The following ESRRG variants were observed in gnomAD, a reference collection of about 807,000 sequenced individuals.
ESRRG encodes estrogen related receptor gamma.
A neutral mutation model predicts 44.0 loss-of-function variants in ESRRG; 13 were observed. The observed-to-expected ratio is 0.30, with a 90% CI of 0.19 to 0.47. The LOEUF (loss-of-function observed/expected upper bound fraction) is 0.47. Among genes scored for constraint, ESRRG ranks in the 20% least tolerant of loss-of-function variants. ESRRG has a pLI of 1.00. For missense variants in ESRRG, 395 were observed against 580.6 expected (o/e 0.68, Z 3.29); for synonymous variants, 215 against 214.6 (o/e 1.00, Z -0.02).
At chr1:217,077,681 T>C (rs571699977) in intron 1 of ESRRG, among the ~76,000 whole-genome samples, 9 of 152,316 alleles carry the variant, frequency 5.9e-5, no homozygotes, top group African/African-American at 2.2e-4. Context: ...AAAACCTCAG[T>C]GGAATGCTCT....
In ESRRG at chr1:217,066,257, T is replaced by TC. The variant is rs2089651726; in HGVS notation, c.-106+23249_-106+23250insG. Among the ~76,000 whole-genome samples, 3 of 81,384 alleles carry TC rather than the reference T, an allele frequency of 3.7e-5. No individual in the cohort carries two copies. The South Asian group carries it at 9.7e-4, about 26-fold the overall frequency. 53.4% of individuals were successfully genotyped at this position (81,384 alleles called of 152,430 possible). On this transcript the variant is annotated intron_variant, in intron 1 of 7. Transcript: ENST00000359162. ...TGGGGAGAATTCCTTTTTCTTTTCT[T>TC]TTTTTTTTTTTTTTTGAGACGGAGT...
intron 2 of ESRRG, among the ~76,000 whole-genome samples, chr1:216,792,513 C>T (rs1158061364): frequency 6.6e-6 from 1 of 152,032 alleles, no homozygotes; most frequent in Non-Finnish European, 1.5e-5. Context: ...AGGTAAAAGT[C>T]AAATCTGCCT....
chr1:216,610,899 G>C (rs2060561756), intron 3 of ESRRG, among the ~76,000 whole-genome samples: 1 of 152,060 alleles, frequency 6.6e-6, no homozygotes, highest in South Asian at 2.1e-4. Context: ...AGGCAGAACT[G>C]GAATCTAGCT....
At position 216,768,480 on chromosome 1, in the gene ESRRG, A is replaced by ATCTATCTG. The variant is rs1553593173; in HGVS notation, c.-13-90990_-13-90989insCAGATAGA. 3.4e-3 allele frequency among the ~76,000 whole-genome samples: 505 copies of ATCTATCTG among 150,278 alleles called. 8 individuals carry two copies. The highest frequency in any genetic ancestry group is 0.029 in the South Asian group (133 of 4,658). ...TATCTATCTATCTATCTATCTATCT[A>ATCTATCTG]TCTATCTATCTATCTATCTATATTT... On this transcript the variant is annotated intron_variant, in intron 2 of 7. Transcript: ENST00000359162.
chr1:216,752,759 G>A (rs899077916), intron 2 of ESRRG, among the ~76,000 whole-genome samples: 5 of 152,032 alleles, frequency 3.3e-5, no homozygotes, highest in Admixed American at 6.6e-5. Flanking sequence ...AACAGTGGCT[G>A]GGTCCCATCC....
intron 1 of ESRRG, among the ~76,000 whole-genome samples, chr1:217,096,139 T>G (rs950353839): frequency 1.3e-5 from 2 of 152,220 alleles, no homozygotes; most frequent in African/African-American, 4.8e-5. Flanking sequence ...ACAACTGTAT[T>G]TGTACCATAC....
rs530451821 is a variant in ESRRG, at chr1:216,931,174, A to G, written c.-14+8408T>C. Among the ~76,000 whole-genome samples, 11 of 152,298 alleles carry G rather than the reference A, an allele frequency of 7.2e-5. No individual in the cohort carries two copies. The East Asian group carries it at 2.1e-3, about 29-fold the overall frequency. Reference sequence around the variant, plus strand: ...AGAAGGTACATGGATATTAAAGATGACATGCACGTTTCTCCTAATTCTCAT... The same window carrying G: ...AGAAGGTACATGGATATTAAAGATGGCATGCACGTTTCTCCTAATTCTCAT... On this transcript the variant is annotated intron_variant, in intron 2 of 7. Coordinates refer to the ESRRG transcript ENST00000359162.
At chr1:216,707,457 T>G in intron 1 of ESRRG, 8 of 1,535,394 alleles carry the variant, frequency 5.2e-6, no homozygotes, top group Non-Finnish European at 7.0e-6. Context: ...AATTCCTAAT[T>G]ACATTCATGA....
At chr1:217,123,744 A>T (rs2092853484) in intron 1 of ESRRG, among the ~76,000 whole-genome samples, 1 of 152,006 alleles carries the variant, frequency 6.6e-6, no homozygotes. Flanking sequence ...CACACACTGG[A>T]GCCTGTTAGG....
chr1:216,567,831 G>A lies in ESRRG; in HGVS notation c.700+157C>T, dbSNP rs188572830. On this transcript the variant is annotated intron_variant, in intron 4 of 6. Coordinates refer to ENST00000408911, the MANE Select transcript of ESRRG (RefSeq NM_001438.4). The stretch of plus-strand genomic sequence containing the variant: ...TGAGATAATAAGCTGAGTTGCTGTC[G>A]CTCCTCACAGACAATCTTTGGGAAT... 3.3e-5 allele frequency among the ~76,000 whole-genome samples: 5 copies of A among 152,258 alleles called. No individual in the cohort carries two copies. The East Asian group carries it at 7.7e-4, about 24-fold the overall frequency.
chr1:217,079,138 GAA>G (rs2091551483), intron 1 of ESRRG, among the ~76,000 whole-genome samples: 1 of 152,172 alleles, frequency 6.6e-6, no homozygotes, highest in African/African-American at 2.4e-5. Flanking sequence ...AAGAGACAGA[GAA>G]AAAGAGAGAG....
At position 216,867,479 on chromosome 1, in the gene ESRRG, C is replaced by A. The variant is rs560174713; in HGVS notation, c.-14+72103G>T. On this transcript the variant is annotated intron_variant, in intron 2 of 7. Transcript: ENST00000359162. ...GTAAATGAATAGTGAAACAAATTTG[C>A]GTAGGGGATATTTAACTACTTAAGA... 2.6e-5 allele frequency among the ~76,000 whole-genome samples: 4 copies of A among 152,128 alleles called. No individual in the cohort carries two copies. In the East Asian group the frequency reaches 7.7e-4, roughly 29 times the overall value.
At chr1:216,642,462 T>C (rs541959391) in intron 3 of ESRRG, among the ~76,000 whole-genome samples, 117 of 152,230 alleles carry the variant, frequency 7.7e-4, no homozygotes, top group African/African-American at 2.8e-3. Flanking sequence ...CTTTTTGTGG[T>C]ACCTTAAGTA....
At chr1:216,541,561 A>ACTGTGTGTGTGTGT in intron 5 of ESRRG, among the ~76,000 whole-genome samples, 1 of 130,416 alleles carries the variant, frequency 7.7e-6, no homozygotes, top group East Asian at 2.3e-4. Flanking sequence ...TCTTTTGGTT[A>ACTGTGTGTGTGTGT]GTGTGTGTGT....
At chr1:216,729,620 C>T (rs755228722) in intron 2 of ESRRG, among the ~76,000 whole-genome samples, 8 of 152,106 alleles carry the variant, frequency 5.3e-5, no homozygotes, top group Non-Finnish European at 1.0e-4. Flanking sequence ...ATGTTTTCTG[C>T]GTGGGGATGA....
chr1:216,518,447 G>A (rs571036266), intron 6 of ESRRG, among the ~76,000 whole-genome samples: 1 of 152,242 alleles, frequency 6.6e-6, no homozygotes, highest in East Asian at 1.9e-4. Flanking sequence ...TGACACGCAG[G>A]TATCTAATGA....
intron 1 of ESRRG, among the ~76,000 whole-genome samples, chr1:217,001,892 G>T (rs530223042): frequency 4.6e-5 from 7 of 152,304 alleles, no homozygotes; most frequent in Middle Eastern, 3.4e-3. Context: ...TACATCAAAA[G>T]TGAAAGGCCA....
In ESRRG at chr1:216,971,867, A is replaced by G. The variant is rs12083598; in HGVS notation, c.-105-32194T>C. ...TGAAATCTTATCTGAGGTGAAGATT[A>G]TCTCTTTTCCTTCAGCTACGCTAAT... is the stretch of plus-strand genomic sequence containing the variant. On this transcript the variant is annotated intron_variant, in intron 1 of 7. Transcript: ENST00000359162. Among the ~76,000 whole-genome samples, 828 of 152,322 alleles carry G rather than the reference A, an allele frequency of 5.4e-3. 6 individuals are homozygous for G. The highest frequency in any genetic ancestry group is 0.019 in the African/African-American group (797 of 41,570).
At chr1:216,697,183 C>A (rs967597606) in intron 1 of ESRRG, among the ~76,000 whole-genome samples, 3 of 152,116 alleles carry the variant, frequency 2.0e-5, no homozygotes, top group African/African-American at 7.2e-5. Context: ...CCAGGCTGAT[C>A]TCAAACTCCT....
Sources: allele counts gnomAD v4.1 joint callset (sites outside exome capture counted in the v4.1 genomes callset), GRCh38; gene constraint gnomAD v4.1.1; transcripts MANE v1.5; gene names NCBI Gene and HGNC (gene_info 2026-07-23, HGNC 2026-07-21).